Variants in ARHGEF10 observed in about 807,000 individuals in gnomAD.
The protein encoded by ARHGEF10 is Rho guanine nucleotide exchange factor (GEF) 10.
ARHGEF10 carries 140 observed loss-of-function variants against 147.4 expected under a neutral mutation model. The ratio of observed to expected loss-of-function variants is 0.95; its 90% CI spans 0.83 to 1.09. ARHGEF10 has a LOEUF of 1.09. ARHGEF10 is among the 50% of genes least tolerant of loss of function. The pLI is 0.00. For synonymous variants in ARHGEF10, 902 were observed against 695.8 expected, an observed-to-expected ratio of 1.30 and a Z score of -4.67; for missense variants, 2,222 against 1,752.7, an observed-to-expected ratio of 1.27 and a Z score of -4.78.
At chr8:1,880,622 T>A (rs2129121712) in intron 9 of ARHGEF10, among the ~76,000 whole-genome samples, 1 of 152,306 alleles carries the variant, frequency 6.6e-6, no homozygotes, top group Admixed American at 6.5e-5. Flanking sequence ...AAAACCCTGG[T>A]AAACAAAAGC....
At chr8:1,931,959 G>A (rs936343891) in intron 25 of ARHGEF10, among the ~76,000 whole-genome samples, 2 of 152,152 alleles carry the variant, frequency 1.3e-5, no homozygotes, top group Admixed American at 1.3e-4. Flanking sequence ...GTCTGAAGTA[G>A]GCCATCGTGT....
intron 15 of ARHGEF10, among the ~76,000 whole-genome samples, chr8:1,902,089 G>T (rs146470324): frequency 1.3e-5 from 2 of 151,962 alleles, no homozygotes; most frequent in Admixed American, 6.6e-5. Flanking sequence ...CTAGCAACCC[G>T]TCATCTAGGT....
intron 25 of ARHGEF10, among the ~76,000 whole-genome samples, chr8:1,932,386 A>T (rs1813219756): frequency 6.6e-6 from 1 of 152,184 alleles, no homozygotes; most frequent in Non-Finnish European, 1.5e-5. Context: ...ACATGTGCAG[A>T]CGTGTGTGTC....
rs1294774317 is a variant in ARHGEF10 at position 1,903,439 on chromosome 8, A to T, written c.1809A>T (p.Arg603Ser). The T allele has an allele frequency of 6.2e-7, 1 of 1,614,196 alleles. No individual in the cohort carries two copies. Residue 603 changes from arginine (R) to serine (S), a missense_variant, in exon 16 of 29, where the codon AGA (arginine) becomes AGT (serine). Arg to Ser is a moderately radical substitution (Grantham distance 110, BLOSUM62 -1). Transcript: ENST00000349830. ...VKQIAKAINERYLNKLLSSGS... is the reference protein window; with the variant it reads ...VKQIAKAINESYLNKLLSSGS... ...AAATAGCCAAAGCCATAAACGAAAG[A>T]TACCTGAACAAGGTTGAGAGAGGTT...
At chr8:1,837,174 T>TGC (rs1244788944) in intron 1 of ARHGEF10, among the ~76,000 whole-genome samples, 2 of 152,240 alleles carry the variant, frequency 1.3e-5, no homozygotes, top group Non-Finnish European at 2.9e-5. Context: ...TGGGTCAGGA[T>TGC]GCCGGTGGTA....
intron 1 of ARHGEF10, among the ~76,000 whole-genome samples, chr8:1,826,819 G>C (rs990208803): frequency 6.6e-6 from 1 of 152,246 alleles, no homozygotes; most frequent in African/African-American, 2.4e-5. Flanking sequence ...TGTGTTTCAT[G>C]CGTGCGTTGC....
At chr8:1,884,317 A>T (rs1392070037) in intron 10 of ARHGEF10, among the ~76,000 whole-genome samples, 2 of 151,360 alleles carry the variant, frequency 1.3e-5, no homozygotes, top group Non-Finnish European at 2.9e-5. Flanking sequence ...AATGGCGTGA[A>T]CCCGGGAGGC....
intron 7 of ARHGEF10, 119 bp from the exon 8 acceptor site, chr8:1,876,452 A>G: frequency 4.6e-6 from 5 of 1,089,828 alleles, no homozygotes; most frequent in African/African-American, 1.5e-5. Flanking sequence ...GGTCCTCAGC[A>G]TGATTCAGAT....
chr8:1,908,421 A>T (rs932821745), intron 17 of ARHGEF10, among the ~76,000 whole-genome samples: 9 of 151,718 alleles, frequency 5.9e-5, no homozygotes, highest in African/African-American at 9.7e-5. Flanking sequence ...TTTAGTAGAG[A>T]TGGGGTGTCA....
intron 13 of ARHGEF10, among the ~76,000 whole-genome samples, chr8:1,895,704 C>T (rs887594892): frequency 6.6e-6 from 1 of 152,166 alleles, no homozygotes; most frequent in South Asian, 2.1e-4. Flanking sequence ...GCTATCAATG[C>T]CAGTCACACC....
intron 18 of ARHGEF10, among the ~76,000 whole-genome samples, chr8:1,914,449 G>A (rs538737946): frequency 5.9e-5 from 9 of 152,324 alleles, no homozygotes; most frequent in Admixed American, 1.3e-4. Context: ...GCATGGCCTC[G>A]CCTGTAGGCA....
rs1807348049 is a variant in ARHGEF10 at position 1,873,573 on chromosome 8, G to A, written c.680-2998G>A. Among the ~76,000 whole-genome samples, 3 of 144,458 alleles carry A rather than the reference G, an allele frequency of 2.1e-5. No individual in the cohort carries two copies. The South Asian group carries it at 6.7e-4, about 32-fold the overall frequency. 94.8% of individuals were successfully genotyped at this position (144,458 alleles called of 152,430 possible). A position where few individuals can be genotyped will look rare whatever the true frequency, so the allele number is the denominator to read the frequency against. On this transcript the variant is annotated intron_variant, in intron 7 of 28. Transcript: ENST00000349830. ...TAGTTGCCTTGAGAGGTGCCGCGGG[G>A]TAGTGCACCCGCATTTCCTAGTTGC...
intron 10 of ARHGEF10, among the ~76,000 whole-genome samples, chr8:1,884,591 A>C (rs1168980523): frequency 6.6e-6 from 1 of 152,160 alleles, no homozygotes; most frequent in Non-Finnish European, 1.5e-5. Flanking sequence ...AAGTCTGGGC[A>C]TCAGTAGGTT....
intron 25 of ARHGEF10, among the ~76,000 whole-genome samples, chr8:1,930,744 C>T (rs1013208814): frequency 3.9e-5 from 6 of 152,254 alleles, no homozygotes; most frequent in African/African-American, 1.2e-4. Flanking sequence ...ACCTGCTCCA[C>T]GGGGACGGCC....
intron 1 of ARHGEF10, among the ~76,000 whole-genome samples, chr8:1,834,970 A>T (rs868367721): frequency 6.6e-5 from 10 of 152,254 alleles, no homozygotes; most frequent in Middle Eastern, 3.4e-3. Flanking sequence ...CCCAGGTGGG[A>T]GGATGGAGGA....
rs1013154584 is a variant in ARHGEF10 at position 1,921,659 on chromosome 8, C to T, written c.2144-1305C>T. 2.6e-5 allele frequency among the ~76,000 whole-genome samples: 4 copies of T among 151,970 alleles called. No individual in the cohort carries two copies. The East Asian group carries it at 5.8e-4, about 22-fold the overall frequency. On this transcript the variant is annotated intron_variant, in intron 18 of 28. Coordinates refer to ENST00000349830, the MANE Select transcript of ARHGEF10 (RefSeq NM_014629.4). ...CTGAGGCAGGAGAATCGTTTGAACC[C>T]GGGAGGCAGAGGTTGCAGTGAGCTG...
At position 1,843,267 on chromosome 8, in the gene ARHGEF10, C is replaced by T. The variant is rs11136431; in HGVS notation, c.-47-86C>T. 0.53 allele frequency: 513,865 copies of T among 961,384 alleles called. 141,958 individuals are homozygous for T. Among genetic ancestry groups the T allele is most frequent in the South Asian group, 0.58 (41,850 of 72,122 alleles). The allele number at this position is 961,384 out of a possible 1,614,324, so 59.6% of individuals were successfully genotyped here. On this transcript the variant is annotated intron_variant, in intron 1 of 28. Coordinates refer to ENST00000349830, the MANE Select transcript of ARHGEF10 (RefSeq NM_014629.4). ...AATGACAGTTAGCTCTTCCTTTTTGCGGGGTTCTCTGTCGACAGCCCTACA... is the reference window on the plus strand; with the variant it reads ...AATGACAGTTAGCTCTTCCTTTTTGTGGGGTTCTCTGTCGACAGCCCTACA...
intron 1 of ARHGEF10, among the ~76,000 whole-genome samples, chr8:1,832,224 C>T (rs940721063): frequency 3.0e-5 from 3 of 100,594 alleles, no homozygotes; most frequent in Admixed American, 1.0e-4. Context: ...CGTAGATGCC[C>T]GGAGGAGTTG....
At chr8:1,839,510 G>A (rs530519110) in intron 1 of ARHGEF10, among the ~76,000 whole-genome samples, 1 of 146,188 alleles carries the variant, frequency 6.8e-6, no homozygotes, top group South Asian at 2.2e-4. Context: ...GGACTGTCCG[G>A]TGTGGAAGCT....
Sources: allele counts gnomAD v4.1 joint callset (sites outside exome capture counted in the v4.1 genomes callset), GRCh38; gene constraint gnomAD v4.1.1; transcripts MANE v1.5; gene names NCBI Gene and HGNC (gene_info 2026-07-23, HGNC 2026-07-21).